Variants in RRM1 observed in about 807,000 individuals in gnomAD.
RRM1 encodes ribonucleoside-diphosphate reductase large subunit.
RRM1 carries 19 observed loss-of-function variants against 101.5 expected under a neutral mutation model. The ratio of observed to expected loss-of-function variants is 0.19; its 90% confidence interval spans 0.13 to 0.27. The LOEUF is 0.27. Ranked by LOEUF, RRM1 falls within the 10% of genes least tolerant of loss-of-function variation. RRM1 has a pLI of 1.00. For missense variants in RRM1, 500 were observed against 962.9 expected (o/e 0.52, Z 6.36); for synonymous variants, 298 against 323.4 (o/e 0.92, Z 0.84).
At chr11:4,103,320 G>C (rs2094554103) in intron 2 of RRM1, among the ~76,000 whole-genome samples, 1 of 152,112 alleles carries the variant, frequency 6.6e-6, no homozygotes, top group African/African-American at 2.4e-5. Context: ...TGAGGACTTA[G>C]GCAATAATTA....
chr11:4,109,259 A>G (rs912577581), intron 4 of RRM1, among the ~76,000 whole-genome samples: 2 of 151,660 alleles, frequency 1.3e-5, no homozygotes, highest in African/African-American at 4.8e-5. Context: ...ATACTTTTGG[A>G]TTAATAGCCA....
intron 15 of RRM1, among the ~76,000 whole-genome samples, chr11:4,130,052 G>A (rs1383321778): frequency 3.1e-5 from 2 of 65,330 alleles, no homozygotes; most frequent in Non-Finnish European, 5.7e-5. Flanking sequence ...TAAGAAAATG[G>A]ACCTGTACTG....
rs373968996 is a variant in RRM1, at chr11:4,107,778, G to A, written c.387+243G>A. Among the ~76,000 whole-genome samples the A allele has an allele frequency of 1.2e-4, 18 of 151,968 alleles. 1 individual carries two copies. In the South Asian group the frequency reaches 3.8e-3, roughly 32 times the overall value. On this transcript the variant is annotated intron_variant, in intron 4 of 18. Transcript: ENST00000300738. Reference sequence around the variant, plus strand: ...GTACATACATATTTTTCTTCTCAGTGGTACTGTACTGTGCATACAGTTTTC... The same window carrying A: ...GTACATACATATTTTTCTTCTCAGTAGTACTGTACTGTGCATACAGTTTTC...
At chr11:4,120,027 T>C in intron 9 of RRM1, 99 bp downstream of exon 9, 3 of 702,888 alleles carry the variant, frequency 4.3e-6, no homozygotes, top group Non-Finnish European at 7.4e-6. Flanking sequence ...CTAATTACCT[T>C]TTTTTTACTT....
chr11:4,121,523 A>G, intron 9 of RRM1, 81 bp from the exon 10 acceptor site: 2 of 941,404 alleles, frequency 2.1e-6, no homozygotes, highest in South Asian at 2.4e-5. Context: ...CAAAGGAGAT[A>G]CTATAAAAGT....
intron 1 of RRM1, among the ~76,000 whole-genome samples, chr11:4,099,702 T>C (rs2094548562): frequency 6.6e-6 from 1 of 152,028 alleles, no homozygotes. Context: ...AAGAGGATAA[T>C]GTAGGCAGTG....
At chr11:4,112,568 T>C (rs2094567086) in intron 7 of RRM1, among the ~76,000 whole-genome samples, 1 of 152,246 alleles carries the variant, frequency 6.6e-6, no homozygotes, top group Non-Finnish European at 1.5e-5. Context: ...TTCACCATGT[T>C]GGTCAGGCTG....
intron 7 of RRM1, among the ~76,000 whole-genome samples, chr11:4,117,050 G>A (rs1256485972): frequency 1.3e-5 from 2 of 152,028 alleles, no homozygotes; most frequent in Non-Finnish European, 2.9e-5. Context: ...ATGCATGGAA[G>A]AAGAAACTTG....
intron 15 of RRM1, among the ~76,000 whole-genome samples, chr11:4,130,594 G>A (rs2094598440): frequency 6.6e-6 from 1 of 152,110 alleles, no homozygotes; most frequent in South Asian, 2.1e-4. Flanking sequence ...TACTTGGGAG[G>A]CTGAGACATG....
intron 4 of RRM1, among the ~76,000 whole-genome samples, chr11:4,108,966 T>A (rs1420232497): frequency 6.6e-6 from 1 of 152,184 alleles, no homozygotes; most frequent in Non-Finnish European, 1.5e-5. Flanking sequence ...CTCCTTTTTT[T>A]TCTCTCCAAA....
intron 10 of RRM1, 173 bp from the exon 11 acceptor site, chr11:4,121,968 G>A (rs977982699): frequency 3.0e-6 from 2 of 669,976 alleles, no homozygotes; most frequent in African/African-American, 1.8e-5. Flanking sequence ...TGCTTAAAAG[G>A]TCATGTATAA....
intron 11 of RRM1, 84 bp from the exon 12 acceptor site, chr11:4,123,099 C>A: frequency 1.9e-6 from 2 of 1,030,332 alleles, no homozygotes; most frequent in Non-Finnish European, 2.8e-6. Flanking sequence ...GTTTTCATAA[C>A]TTTATATTTT....
rs1258948515 is a variant in RRM1, at chr11:4,106,081, C to T, written c.144C>T (p.Tyr48=). 6.2e-7 allele frequency: 1 copy of T among 1,613,854 alleles called. No homozygotes were observed. The highest frequency in any genetic ancestry group is 1.1e-5 in the South Asian group (1 of 91,040). The change falls in exon 3 of 19, where the codon TAC becomes TAT. Residue 48 remains tyrosine, a synonymous_variant. Coordinates refer to ENST00000300738, the MANE Select transcript of RRM1 (RefSeq NM_001033.5). ...CCATGAAAGTAATCCAAGGCTTGTACAGTGGGGTCACCACAGTGGAACTAG... is the reference window on the plus strand; with the variant it reads ...CCATGAAAGTAATCCAAGGCTTGTATAGTGGGGTCACCACAGTGGAACTAG... The part of the protein sequence containing the change: ...QITMKVIQGL[Y]SGVTTVELDT...
At chr11:4,102,664 A>T (rs1355231446) in intron 2 of RRM1, among the ~76,000 whole-genome samples, 1 of 152,258 alleles carries the variant, frequency 6.6e-6, no homozygotes, top group Admixed American at 6.5e-5. Context: ...AAAAAAAAAA[A>T]AAAGGGAAGC....
At position 4,132,228 on chromosome 11, in the gene RRM1, T is replaced by A. The variant is rs1456011491; in HGVS notation, c.1770-58T>A. The stretch of plus-strand genomic sequence containing the variant: ...ATTTACTACAGTGACTTAAAGTAGC[T>A]GCTTTCCTGGCAGATTGTAGCTTTG... On this transcript the variant is annotated intron_variant, in intron 15 of 18. Coordinates refer to ENST00000300738, the MANE Select transcript of RRM1 (RefSeq NM_001033.5). The surrounding 1 kb of genome is among the most constrained non-coding windows in gnomAD (Gnocchi z 4.1). 3.2e-6 allele frequency: 5 copies of A among 1,566,466 alleles called. No individual in the cohort carries two copies. The highest frequency in any genetic ancestry group is 4.4e-6 in the Non-Finnish European group (5 of 1,138,066).
intron 14 of RRM1, 48 bp downstream of exon 14, chr11:4,127,304 G>A: frequency 8.3e-7 from 1 of 1,205,394 alleles, no homozygotes. Context: ...CCTGTAGTGG[G>A]CTGAATGGTG....
rs147390229 is a variant in RRM1, at chr11:4,127,756, A to G, written c.1692+500A>G. ...AAATACCTTTGTCCTCTGGAGTAAA[A>G]AGGATACTCTGTTTTAATCTCTTAT... On this transcript the variant is annotated intron_variant, in intron 14 of 18. Transcript: ENST00000300738. Among the ~76,000 whole-genome samples, 321 of 152,334 alleles carry G rather than the reference A, an allele frequency of 2.1e-3. 1 individual carries two copies. The highest frequency in any genetic ancestry group is 7.5e-3 in the African/African-American group (310 of 41,572).
intron 17 of RRM1, 28 bp from the exon 18 acceptor site, chr11:4,135,054 A>C (rs1313777676): frequency 6.5e-7 from 1 of 1,542,526 alleles, no homozygotes. Context: ...AACTGGAGTA[A>C]AGTAAACATT....
rs191132554 is a variant in RRM1, at chr11:4,127,126, G to A, written c.1562G>A (p.Ser521Asn). 1,003 of 1,614,180 alleles carry A rather than the reference G, an allele frequency of 6.2e-4. 2 individuals are homozygous for A. The highest frequency in any genetic ancestry group is 7.7e-4 in the Non-Finnish European group (906 of 1,180,018). Residue 521 changes from serine to asparagine, a missense_variant, in exon 14 of 19, where the codon AGT becomes AAT. Transcript: ENST00000300738. ...AFILMRYPFE[S>N]AEAQLLNKQI... The stretch of plus-strand genomic sequence containing the variant: ...ATCCTGATGAGATACCCTTTTGAGA[G>A]TGCAGAAGCCCAGTTACTGAATAAG...
Sources: allele counts gnomAD v4.1 joint callset (sites outside exome capture counted in the v4.1 genomes callset), GRCh38; gene constraint gnomAD v4.1.1; non-coding constraint Gnocchi (gnomAD v3.1); transcripts MANE v1.5; gene names NCBI Gene and HGNC (gene_info 2026-07-23, HGNC 2026-07-21).